ZNF385B: variants seen among roughly 807,000 people sequenced by gnomAD.
ZNF385B encodes the protein zinc finger protein 385B.
A neutral mutation model predicts 39.2 loss-of-function variants in ZNF385B; 23 were observed. That is an observed-to-expected ratio of 0.59 (90% CI 0.42 to 0.83). ZNF385B has a LOEUF of 0.83. Among genes scored for constraint, ZNF385B ranks in the 40% least tolerant of loss-of-function variants. ZNF385B has a pLI of 0.00. For missense variants in ZNF385B, 552 were observed against 598.9 expected (o/e 0.92, Z 0.82); for synonymous variants, 205 against 222.6 (o/e 0.92, Z 0.70).
chr2:179,454,711 G>A (rs1020305881), intron 6 of ZNF385B, among the ~76,000 whole-genome samples: 2 of 151,968 alleles, frequency 1.3e-5, no homozygotes, highest in South Asian at 4.2e-4. Context: ...GGGTGTTTGT[G>A]TCATAGTCTT....
intron 5 of ZNF385B, among the ~76,000 whole-genome samples, chr2:179,498,376 C>T (rs1034765890): frequency 2.0e-5 from 3 of 151,824 alleles, no homozygotes; most frequent in Non-Finnish European, 4.4e-5. Context: ...AATCTAATGG[C>T]TGTAGAATAT....
At chr2:179,860,110 T>G (rs1373373218) in intron 1 of ZNF385B, among the ~76,000 whole-genome samples, 1 of 152,170 alleles carries the variant, frequency 6.6e-6, no homozygotes, top group African/African-American at 2.4e-5. Context: ...TGCTACTACA[T>G]CTTGACAAAG....
chr2:179,493,431 A>ATGTACGTATATGCATGTGTACATGTG (rs2055482251), intron 5 of ZNF385B, among the ~76,000 whole-genome samples: 1 of 151,446 alleles, frequency 6.6e-6, no homozygotes, highest in African/African-American at 2.4e-5. Context: ...GTGTACATAT[A>ATGTACGTATATGCATGTGTACATGTG]TGTACGTATA....
intron 1 of ZNF385B, among the ~76,000 whole-genome samples, chr2:179,800,645 C>T (rs1432261515): frequency 6.6e-6 from 1 of 152,060 alleles, no homozygotes; most frequent in Non-Finnish European, 1.5e-5. Context: ...AGCTACCAAT[C>T]TAGTTATGAA....
At chr2:179,745,760 T>C (rs1190810907) in intron 3 of ZNF385B, 1 of 1,537,680 alleles carries the variant, frequency 6.5e-7, no homozygotes, top group Admixed American at 2.1e-5. Context: ...CTCACCAGCT[T>C]CAAGAGCAAC....
At chr2:179,781,833 T>C (rs1305042397) in intron 1 of ZNF385B, among the ~76,000 whole-genome samples, 1 of 152,056 alleles carries the variant, frequency 6.6e-6, no homozygotes, top group East Asian at 1.9e-4. Flanking sequence ...CAGTTGTAAA[T>C]AGCATATCAA....
At chr2:179,499,570 A>G (rs2056568221) in intron 5 of ZNF385B, among the ~76,000 whole-genome samples, 1 of 152,066 alleles carries the variant, frequency 6.6e-6, no homozygotes, top group Non-Finnish European at 1.5e-5. Flanking sequence ...TGATGCTAAA[A>G]AAGCATTTGA....
chr2:179,825,042 C>T (rs577824452), intron 1 of ZNF385B, among the ~76,000 whole-genome samples: 3 of 152,216 alleles, frequency 2.0e-5, no homozygotes, highest in South Asian at 2.1e-4. Flanking sequence ...TTCTAACATA[C>T]GAAAGAAAAT....
intron 5 of ZNF385B, among the ~76,000 whole-genome samples, chr2:179,511,729 C>A (rs2057703085): frequency 6.6e-6 from 1 of 152,116 alleles, no homozygotes; most frequent in Non-Finnish European, 1.5e-5. Flanking sequence ...AATATTCTGT[C>A]TATTTGTACT....
chr2:179,498,378 G>T (rs960511230), intron 5 of ZNF385B, among the ~76,000 whole-genome samples: 12 of 151,886 alleles, frequency 7.9e-5, no homozygotes, highest in Non-Finnish European at 1.3e-4. Flanking sequence ...TCTAATGGCT[G>T]TAGAATATAT....
intron 3 of ZNF385B, among the ~76,000 whole-genome samples, chr2:179,687,650 G>C (rs1698027060): frequency 1.3e-5 from 2 of 152,344 alleles, no homozygotes; most frequent in South Asian, 4.1e-4. Context: ...ACATTGAGCA[G>C]TGATTTGGAG....
chr2:179,755,932 A>T (rs1430860047), intron 3 of ZNF385B, among the ~76,000 whole-genome samples: 1 of 152,178 alleles, frequency 6.6e-6, no homozygotes, highest in African/African-American at 2.4e-5. Context: ...GCCCATTTAC[A>T]TTTAAGGTTA....
chr2:179,532,378 T>A (rs1018107447), intron 4 of ZNF385B, among the ~76,000 whole-genome samples: 1 of 152,182 alleles, frequency 6.6e-6, no homozygotes, highest in African/African-American at 2.4e-5. Flanking sequence ...AGTTTGCTTA[T>A]ATGTTGGCCA....
At chr2:179,719,679 C>G (rs1700558011) in intron 3 of ZNF385B, among the ~76,000 whole-genome samples, 1 of 152,198 alleles carries the variant, frequency 6.6e-6, no homozygotes, top group South Asian at 2.1e-4. Context: ...GTGGGAACAG[C>G]ATGTTAACAT....
chr2:179,761,241 A>T (rs1016465154), intron 3 of ZNF385B, among the ~76,000 whole-genome samples: 1 of 152,180 alleles, frequency 6.6e-6, no homozygotes. Context: ...GTGCTTTTTC[A>T]TATAAATGTT....
chr2:179,455,674 C>T (rs1037798432), intron 6 of ZNF385B, among the ~76,000 whole-genome samples: 3 of 151,742 alleles, frequency 2.0e-5, no homozygotes, highest in South Asian at 4.2e-4. Flanking sequence ...GCAGATCACT[C>T]GAGGTCAGTA....
intron 1 of ZNF385B, among the ~76,000 whole-genome samples, chr2:179,771,876 G>A (rs1040476604): frequency 4.6e-5 from 7 of 152,092 alleles, no homozygotes; most frequent in African/African-American, 1.7e-4. Context: ...AGCCAATAAC[G>A]TTTAACCTTG....
At chr2:179,555,480 G>A (rs1046628925) in intron 3 of ZNF385B, among the ~76,000 whole-genome samples, 1 of 149,438 alleles carries the variant, frequency 6.7e-6, no homozygotes, top group Non-Finnish European at 1.5e-5. Context: ...GCACTTTTCT[G>A]TATGTTATAA....
At chr2:179,782,422 AC>A (rs1704724406) in intron 1 of ZNF385B, among the ~76,000 whole-genome samples, 1 of 152,186 alleles carries the variant, frequency 6.6e-6, no homozygotes, top group African/African-American at 2.4e-5. Flanking sequence ...AAAAACCAGC[AC>A]AAGACAAGGA....
Sources: allele counts gnomAD v4.1 joint callset (sites outside exome capture counted in the v4.1 genomes callset), GRCh38; gene constraint gnomAD v4.1.1; transcripts MANE v1.5; gene names NCBI Gene and HGNC (gene_info 2026-07-23, HGNC 2026-07-21).